FOCAD: variants seen among roughly 807,000 people sequenced by gnomAD.
The protein encoded by FOCAD is focadhesin, also known as KIAA1797.
Under a neutral mutation model 225.6 loss-of-function variants are expected in FOCAD, and 198 were observed. The ratio of observed to expected loss-of-function variants is 0.88; its 90% CI spans 0.78 to 0.99. FOCAD has a LOEUF of 0.99. Among genes scored for constraint, FOCAD ranks in the 50% least tolerant of loss-of-function variants. FOCAD has a pLI of 0.00. For synonymous variants in FOCAD, 897 were observed against 755.0 expected (o/e 1.19, Z -3.08); for missense variants, 2,713 against 2,123.6 (o/e 1.28, Z -5.46).
chr9:20,868,603 T>C (rs1408547351), intron 18 of FOCAD, among the ~76,000 whole-genome samples: 1 of 152,100 alleles, frequency 6.6e-6, no homozygotes, highest in Non-Finnish European at 1.5e-5. Context: ...GTAAACGTAC[T>C]TAGAGTTGGG....
chr9:20,986,488 A>T, intron 40 of FOCAD, 23 bp downstream of exon 40: 1 of 1,569,906 alleles, frequency 6.4e-7, no homozygotes, highest in Non-Finnish European at 8.6e-7. Flanking sequence ...TGGGGTGAAC[A>T]TCAGAAACAG....
intron 30 of FOCAD, among the ~76,000 whole-genome samples, 171 bp downstream of exon 30, chr9:20,946,991 T>C (rs949155787): frequency 6.6e-6 from 1 of 152,200 alleles, no homozygotes; most frequent in African/African-American, 2.4e-5. Context: ...ACAGATGTCT[T>C]TTTCTCTCCT....
chr9:20,862,828 C>G, intron 16 of FOCAD, 116 bp downstream of exon 16: 1 of 1,214,796 alleles, frequency 8.2e-7, no homozygotes, highest in Non-Finnish European at 1.1e-6. Flanking sequence ...GTTCTGAGAC[C>G]ATGTTGATAT....
At chr9:20,920,792 A>T (rs1434851095) in intron 24 of FOCAD, among the ~76,000 whole-genome samples, 1 of 150,934 alleles carries the variant, frequency 6.6e-6, no homozygotes, top group East Asian at 2.0e-4. Context: ...GAAAGGGAAC[A>T]TCACACTCTG....
At chr9:20,791,153 G>T (rs762673573) in intron 11 of FOCAD, among the ~76,000 whole-genome samples, 2 of 151,902 alleles carry the variant, frequency 1.3e-5, no homozygotes, top group Non-Finnish European at 2.9e-5. Flanking sequence ...AAGTTATACA[G>T]TGGGTTACCT....
chr9:20,697,186 C>G (rs1823445424), intron 1 of FOCAD, among the ~76,000 whole-genome samples: 2 of 152,248 alleles, frequency 1.3e-5, no homozygotes, highest in South Asian at 4.1e-4. Flanking sequence ...CCCACTATCT[C>G]TACTGCTGTT....
intron 4 of FOCAD, among the ~76,000 whole-genome samples, chr9:20,727,394 T>C (rs1198818116): frequency 6.6e-6 from 1 of 152,226 alleles, no homozygotes; most frequent in East Asian, 1.9e-4. Flanking sequence ...CAGTGGCTAC[T>C]GAACACATGT....
chr9:20,677,185 T>C (rs1003888005), intron 2 of FOCAD, among the ~76,000 whole-genome samples: 3 of 152,166 alleles, frequency 2.0e-5, no homozygotes, highest in African/African-American at 4.8e-5. Flanking sequence ...GAGAATGAAA[T>C]TGGACCCTTA....
chr9:20,816,754 TGG>T (rs1823765851), intron 11 of FOCAD, among the ~76,000 whole-genome samples: 1 of 152,066 alleles, frequency 6.6e-6, no homozygotes, highest in Non-Finnish European at 1.5e-5. Context: ...TTTTCATCTG[TGG>T]ATTCACCAGC....
intron 30 of FOCAD, among the ~76,000 whole-genome samples, chr9:20,947,168 A>C (rs373237555): frequency 2.0e-5 from 3 of 152,322 alleles, no homozygotes; most frequent in African/African-American, 7.2e-5. Context: ...GACGATATGA[A>C]TACATAGAAG....
At chr9:20,835,849 A>G (rs966446702) in intron 15 of FOCAD, among the ~76,000 whole-genome samples, 1 of 152,026 alleles carries the variant, frequency 6.6e-6, no homozygotes, top group African/African-American at 2.4e-5. Context: ...CCCAGCTCCA[A>G]GAGGGTGCTA....
At chr9:20,788,728 A>C (rs967401905) in intron 10 of FOCAD, among the ~76,000 whole-genome samples, 4 of 152,200 alleles carry the variant, frequency 2.6e-5, no homozygotes, top group Non-Finnish European at 4.4e-5. Flanking sequence ...CCCCGACTGC[A>C]CTGCTTTATT....
intron 20 of FOCAD, among the ~76,000 whole-genome samples, chr9:20,883,744 C>T (rs1035379538): frequency 2.6e-5 from 4 of 152,192 alleles, no homozygotes; most frequent in African/African-American, 9.7e-5. Flanking sequence ...TAGGTTGCAG[C>T]TAAAATAGTA....
In FOCAD at chr9:20,679,110, A is replaced by T. The variant is rs566522030; in HGVS notation, c.-77-15410A>T. ...GAAGACAAGGTCAAAGGGGCAACAGACAGTCTGTGTATGTGTGTGTGTGTG... is the reference window on the plus strand; with the variant it reads ...GAAGACAAGGTCAAAGGGGCAACAGTCAGTCTGTGTATGTGTGTGTGTGTG... On this transcript the variant is annotated intron_variant, in intron 2 of 45. Coordinates refer to the FOCAD transcript ENST00000380249. 3.6e-5 allele frequency among the ~76,000 whole-genome samples: 5 copies of T among 137,922 alleles called. No homozygotes were observed. In the East Asian group the frequency reaches 8.4e-4, roughly 23 times the overall value. 90.5% of individuals were successfully genotyped at this position (137,922 alleles called of 152,430 possible).
chr9:20,934,046 G>A, intron 28 of FOCAD, among the ~76,000 whole-genome samples: 1 of 151,872 alleles, frequency 6.6e-6, no homozygotes, highest in East Asian at 1.9e-4. Context: ...CCCACTTTTG[G>A]TGGGATTGTT....
At chr9:20,734,435 G>A (rs149395639) in intron 4 of FOCAD, among the ~76,000 whole-genome samples, 33 of 152,178 alleles carry the variant, frequency 2.2e-4, no homozygotes, top group African/African-American at 5.5e-4. Context: ...TGAATATTCC[G>A]TTCAAATGTA....
At chr9:20,921,467 G>C (rs1194646810) in intron 24 of FOCAD, among the ~76,000 whole-genome samples, 1 of 152,144 alleles carries the variant, frequency 6.6e-6, no homozygotes, top group Non-Finnish European at 1.5e-5. Context: ...ACCAGTTATA[G>C]ATTCCCACCT....
intron 1 of FOCAD, among the ~76,000 whole-genome samples, chr9:20,703,997 T>TAA: frequency 6.6e-6 from 1 of 152,242 alleles, no homozygotes; most frequent in Non-Finnish European, 1.5e-5. Context: ...GCTGTCTGTG[T>TAA]CAGGTTGCTC....
At chr9:20,754,838 A>G (rs1212525317) in intron 5 of FOCAD, among the ~76,000 whole-genome samples, 1 of 152,186 alleles carries the variant, frequency 6.6e-6, no homozygotes, top group Non-Finnish European at 1.5e-5. Flanking sequence ...TAAGACTGAG[A>G]AACTCTCATG....
Sources: allele counts gnomAD v4.1 joint callset (sites outside exome capture counted in the v4.1 genomes callset), GRCh38; gene constraint gnomAD v4.1.1; transcripts MANE v1.5; gene names NCBI Gene and HGNC (gene_info 2026-07-23, HGNC 2026-07-21).